The following PCDHGB1 variants were observed in gnomAD, a reference collection of about 807,000 sequenced individuals.
PCDHGB1 encodes the protein protocadherin gamma subfamily B, 1, also known as protocadherin gamma-B1.
Under a neutral mutation model 56.6 loss-of-function variants are expected in PCDHGB1, and 34 were observed. The ratio of observed to expected loss-of-function variants is 0.60; its 90% CI spans 0.46 to 0.80. The LOEUF is 0.80. PCDHGB1 is among the 30% of genes least tolerant of loss of function. PCDHGB1 has a pLI of 0.00. For missense variants in PCDHGB1, 1,278 were observed against 1,204.6 expected, an observed-to-expected ratio of 1.06 and a Z score of -0.90; for synonymous variants, 561 against 505.9, an observed-to-expected ratio of 1.11 and a Z score of -1.46.
chr5:141,376,576 T>G, intron 1 of PCDHGB1: 1 of 1,596,960 alleles, frequency 6.3e-7, no homozygotes, highest in Non-Finnish European at 8.5e-7. Context: ...TCAGACAGGC[T>G]CATCAGCTAG....
Position 141,421,318 on chromosome 5 carries a change from C to T in PCDHGB1, c.2409+68649C>T, listed in dbSNP as rs370020854. 5.6e-6 allele frequency: 9 copies of T among 1,613,824 alleles called. No homozygotes were observed. In the East Asian group the frequency reaches 2.0e-4, roughly 36 times the overall value. On this transcript the variant is annotated intron_variant, in intron 1 of 3. Coordinates refer to ENST00000523390, the MANE Select transcript of PCDHGB1 (RefSeq NM_018922.3). ...GACGCTGCGGGGGTTCCGGGCCAGG[C>T]AGATCCGATATTCGGTGCCAGAAGA...
At chr5:141,410,105 A>G in intron 1 of PCDHGB1, 1 of 1,612,376 alleles carries the variant, frequency 6.2e-7, no homozygotes, top group South Asian at 1.1e-5. Context: ...CTTAGGCGAC[A>G]GGGACGCAGC....
chr5:141,393,534 G>T, intron 1 of PCDHGB1: 1 of 1,613,928 alleles, frequency 6.2e-7, no homozygotes, highest in Non-Finnish European at 8.5e-7. Context: ...CAATGCCCCG[G>T]TTTTTCCTCA....
chr5:141,374,389 T>C (rs746806211), intron 1 of PCDHGB1: 1 of 1,614,028 alleles, frequency 6.2e-7, no homozygotes, highest in South Asian at 1.1e-5. Flanking sequence ...GCCCGCGGTG[T>C]CTGGTGAGTT....
At chr5:141,435,719 C>T (rs890713374) in intron 1 of PCDHGB1, among the ~76,000 whole-genome samples, 6 of 152,156 alleles carry the variant, frequency 3.9e-5, no homozygotes, top group Admixed American at 3.3e-4. Context: ...ACACTGAATG[C>T]TAAAGTGTAT....
chr5:141,408,398 C>A, intron 1 of PCDHGB1: 3 of 1,614,028 alleles, frequency 1.9e-6, no homozygotes, highest in Non-Finnish European at 2.5e-6. Context: ...GGCTCGCAAG[C>A]TGCGAGTGAG....
At chr5:141,388,261 T>C in intron 1 of PCDHGB1, 1 of 1,611,348 alleles carries the variant, frequency 6.2e-7, no homozygotes. Flanking sequence ...ATCGAGGACA[T>C]TAATGACCAC....
chr5:141,415,533 G>A (rs749139053), intron 1 of PCDHGB1: 11 of 1,614,198 alleles, frequency 6.8e-6, no homozygotes, highest in Non-Finnish European at 6.8e-6. Flanking sequence ...TCATCAGCCA[G>A]GAGAGCTGTG....
Position 141,410,515 on chromosome 5 carries a change from G to A in PCDHGB1, c.2409+57846G>A, listed in dbSNP as rs373451539. The A allele has an allele frequency of 1.9e-6, 3 of 1,613,828 alleles. No homozygotes were observed. The African/African-American group carries it at 4.0e-5, about 22-fold the overall frequency. On this transcript the variant is annotated intron_variant, in intron 1 of 3. Coordinates refer to ENST00000523390, the MANE Select transcript of PCDHGB1 (RefSeq NM_018922.3). ...AGTTTAATTTCCTAAAATGCAGTGT[G>A]CCCCTACATTCCAATGAAGACATGG...
intron 1 of PCDHGB1, among the ~76,000 whole-genome samples, chr5:141,438,636 ACACACAC>A: frequency 3.9e-5 from 1 of 25,700 alleles, no homozygotes; most frequent in African/African-American, 1.5e-4. Flanking sequence ...ATATATATAT[ACACACAC>A]ACACACACAT....
chr5:141,375,403 A>G, intron 1 of PCDHGB1: 2 of 1,613,908 alleles, frequency 1.2e-6, no homozygotes, highest in Non-Finnish European at 1.7e-6. Flanking sequence ...TCATCTCTCT[A>G]AATGTGGCAG....
chr5:141,409,669 C>T, intron 1 of PCDHGB1: 1 of 1,613,528 alleles, frequency 6.2e-7, no homozygotes, highest in Non-Finnish European at 8.5e-7. Context: ...ACATCTCCTA[C>T]TCTATAGTGG....
At chr5:141,390,390 A>G (rs2092135147) in intron 1 of PCDHGB1, 4 of 1,406,748 alleles carry the variant, frequency 2.8e-6, no homozygotes, top group Middle Eastern at 3.7e-4. Flanking sequence ...GATGTCATGG[A>G]TCATTTTAGG....
At chr5:141,408,248 G>A in intron 1 of PCDHGB1, 1 of 1,593,412 alleles carries the variant, frequency 6.3e-7, no homozygotes, top group East Asian at 2.3e-5. Context: ...CCCGCGGCAG[G>A]TGCTATTTCC....
At chr5:141,457,432 C>G (rs982456249) in intron 1 of PCDHGB1, among the ~76,000 whole-genome samples, 1 of 152,172 alleles carries the variant, frequency 6.6e-6, no homozygotes, top group Non-Finnish European at 1.5e-5. Context: ...TCCCCCCCAC[C>G]AAGCTGCAGA....
intron 1 of PCDHGB1, among the ~76,000 whole-genome samples, chr5:141,474,062 C>G (rs745636246): frequency 6.6e-6 from 1 of 152,104 alleles, no homozygotes; most frequent in Non-Finnish European, 1.5e-5. Flanking sequence ...AGAGCGAGAT[C>G]CTGCCTCAGA....
At chr5:141,510,155 C>G (rs1044168112) in intron 3 of PCDHGB1, among the ~76,000 whole-genome samples, 2 of 151,942 alleles carry the variant, frequency 1.3e-5, no homozygotes, top group African/African-American at 4.8e-5. Context: ...CACCTGTAAT[C>G]TCAGCTACTC....
Position 141,351,546 on chromosome 5 carries a change from C to G in PCDHGB1, c.1286C>G (p.Ser429Cys), listed in dbSNP as rs764015416. 1 of 1,614,050 alleles carries G rather than the reference C, an allele frequency of 6.2e-7. No homozygotes were observed. Among genetic ancestry groups the G allele is most frequent in the East Asian group, 2.2e-5 (1 of 44,878 alleles). The part of the protein sequence containing the change: ...IATDKGKPAL[S>C]SRTSITLHIS... ...ACCGACAAGGGCAAACCAGCCCTTT[C>G]CTCCAGGACAAGCATCACCCTGCAC... is the stretch of plus-strand genomic sequence containing the variant. Residue 429 changes from serine to cysteine, a missense_variant, in exon 1 of 4, where the codon TCC (serine) becomes TGC (cysteine). Ser to Cys is a moderately radical substitution (Grantham distance 112). Coordinates refer to ENST00000523390, the MANE Select transcript of PCDHGB1 (RefSeq NM_018922.3).
chr5:141,457,417 CT>C lies in PCDHGB1; in HGVS notation c.2410-37385del, dbSNP rs894846890. On this transcript the variant is annotated intron_variant, in intron 1 of 3. Transcript: ENST00000523390. ...ATTCACATTTTCACATTACCCATCC[CT>C]TTTTCCCCCCCACCAAGCTGCAGAA... Among the ~76,000 whole-genome samples, 3 of 152,296 alleles carry C rather than the reference CT, an allele frequency of 2.0e-5. No individual in the cohort carries two copies. In the South Asian group the frequency reaches 6.2e-4, roughly 32 times the overall value.
Sources: gnomAD v4.1 joint callset for allele counts (sites outside exome capture counted in the v4.1 genomes callset) on GRCh38, gnomAD v4.1.1 for gene constraint, MANE v1.5 for transcripts, NCBI Gene and HGNC (gene_info 2026-07-23, HGNC 2026-07-21) for gene names.